The following DGKK variants were observed in gnomAD, a reference collection of about 807,000 sequenced individuals.
DGKK encodes diacylglycerol kinase kappa.
A neutral mutation model predicts 92.2 loss-of-function variants in DGKK; 35 were observed. That is an observed-to-expected ratio of 0.38 (90% confidence interval 0.29 to 0.50). The LOEUF (loss-of-function observed/expected upper bound fraction) is 0.50, where lower values mean the gene tolerates loss of function less well. DGKK is among the 20% of genes least tolerant of loss of function. DGKK has a pLI of 0.92. For missense variants in DGKK, 910 were observed against 992.2 expected (o/e 0.92, Z 1.11); for synonymous variants, 368 against 360.6 (o/e 1.02, Z -0.23).
chrX:50,406,149 C>T (rs1022879198), intron 4 of DGKK, among the ~76,000 whole-genome samples: 6 of 112,054 alleles, frequency 5.4e-5, no homozygotes, highest in African/African-American at 1.9e-4. Context: ...TGCAAGGTTT[C>T]ACAGGACTGC....
intron 1 of DGKK, among the ~76,000 whole-genome samples, chrX:50,448,014 T>G (rs1489449214): frequency 9.0e-6 from 1 of 111,451 alleles, no homozygotes; most frequent in Non-Finnish European, 1.9e-5. Flanking sequence ...GTAAAGATCC[T>G]TTGACCCTTT....
chrX:50,439,297 T>A (rs1297895642), intron 1 of DGKK, among the ~76,000 whole-genome samples: 1 of 109,224 alleles, frequency 9.2e-6, no homozygotes, highest in Admixed American at 9.8e-5. Flanking sequence ...AGATTTGGAC[T>A]CAGATAAATC....
chrX:50,467,777 A>G (rs1337687256), intron 1 of DGKK, among the ~76,000 whole-genome samples: 1 of 112,742 alleles, frequency 8.9e-6, no homozygotes, highest in Non-Finnish European at 1.9e-5. Context: ...ACTGAAGATC[A>G]GATGTTCCCA....
At chrX:50,408,199 T>G (rs782704638) in intron 4 of DGKK, among the ~76,000 whole-genome samples, 1 of 111,501 alleles carries the variant, frequency 9.0e-6, no homozygotes, top group African/African-American at 3.3e-5. Context: ...GGCTGTCTCC[T>G]TGGTTGTGCA....
chrX:50,454,757 T>C (rs1389787623), intron 1 of DGKK, among the ~76,000 whole-genome samples: 1 of 111,675 alleles, frequency 9.0e-6, no homozygotes, highest in Non-Finnish European at 1.9e-5. Flanking sequence ...AGCTAGATTG[T>C]CAGTAGGACT....
At chrX:50,445,237 T>C (rs1557231702) in intron 1 of DGKK, among the ~76,000 whole-genome samples, 1 of 109,489 alleles carries the variant, frequency 9.1e-6, no homozygotes, top group South Asian at 4.0e-4. Context: ...GGTTGTCTGT[T>C]TACTCTGTTG....
chrX:50,417,893 A>G (rs1311906895), intron 4 of DGKK, among the ~76,000 whole-genome samples: 1 of 111,254 alleles, frequency 9.0e-6, no homozygotes, highest in Non-Finnish European at 1.9e-5. Flanking sequence ...AAAAATCTCC[A>G]TGGTCAGGCC....
chrX:50,433,929 G>A (rs1324138122), intron 1 of DGKK, among the ~76,000 whole-genome samples: 4 of 111,661 alleles, frequency 3.6e-5, no homozygotes, highest in African/African-American at 1.3e-4. Context: ...ACATCAGTTA[G>A]CTTATCTGGT....
chrX:50,455,978 A>G (rs1158908873), intron 1 of DGKK, among the ~76,000 whole-genome samples: 3 of 112,307 alleles, frequency 2.7e-5, no homozygotes, highest in South Asian at 3.7e-4. Flanking sequence ...GGTGTCTACA[A>G]TGTGAAAGGT....
chrX:50,407,134 A>G (rs782705334), intron 4 of DGKK, among the ~76,000 whole-genome samples: 37 of 112,022 alleles, frequency 3.3e-4, no homozygotes, highest in Non-Finnish European at 1.9e-4. Context: ...TGTTGGGTGG[A>G]AAGTAGACTT....
At chrX:50,415,025 G>A (rs1475977274) in intron 4 of DGKK, among the ~76,000 whole-genome samples, 5 of 112,181 alleles carry the variant, frequency 4.5e-5, no homozygotes, top group African/African-American at 1.6e-4. Flanking sequence ...CACAGTTCTA[G>A]GTGACAAGGC....
chrX:50,375,891 G>A (rs1924257101), intron 24 of DGKK, 133 bp downstream of exon 24: 3 of 788,231 alleles, frequency 3.8e-6, no homozygotes, highest in African/African-American at 2.1e-5. Flanking sequence ...CTGCCTTCCC[G>A]TCCACTCTCT....
chrX:50,398,816 G>A (rs1557226331), intron 8 of DGKK, among the ~76,000 whole-genome samples: 2 of 111,726 alleles, frequency 1.8e-5, no homozygotes, highest in Non-Finnish European at 3.8e-5. Flanking sequence ...AGACATCTTT[G>A]TCAGGTCCCT....
chrX:50,390,468 G>T (rs1178426482), intron 11 of DGKK, 59 bp from the exon 12 acceptor site: 1 of 1,063,501 alleles, frequency 9.4e-7, no homozygotes, highest in African/African-American at 1.9e-5. Flanking sequence ...GTAAAAATTA[G>T]TGCTTCAAAG....
rs1924001863 is a variant in DGKK at position 50,367,528 on chromosome X, G to A, written c.*1412C>T. On this transcript the variant is annotated 3_prime_UTR_variant, in exon 28 of 28. Transcript: ENST00000611977. ...ATGCCCCTCTGTACTCAAGGGAAAA[G>A]GGCAAGATGGGAGATTTGAAGGTGA... 9.0e-6 allele frequency: 1 copy of A among 111,374 alleles called. No homozygotes were observed. Among genetic ancestry groups the A allele is most frequent in the South Asian group, 3.9e-4 (1 of 2,560 alleles). 9.2% of individuals were successfully genotyped at this position (111,374 alleles called of 1,213,427 possible). A position where few individuals can be genotyped will look rare whatever the true frequency, so the allele number is the denominator to read the frequency against.
At chrX:50,430,197 T>C (rs781788572) in intron 1 of DGKK, among the ~76,000 whole-genome samples, 1 of 112,282 alleles carries the variant, frequency 8.9e-6, no homozygotes, top group Admixed American at 9.4e-5. Context: ...TGGCCACATT[T>C]ATAAGCACAC....
In DGKK at chrX:50,384,784, G is replaced by T. The variant is rs369499183; in HGVS notation, c.2388C>A (p.Asn796Lys). ...CTTCCAGGAAGAAAGTTGAACTAAA[G>T]TTCTTAACAGATATTGTCTGTCTGC... ...EESRQTISVK[N>K]FSSTFFLEDD... is the part of the protein sequence containing the mutation. The change falls in exon 16 of 28, where the codon AAC (asparagine) becomes AAA (lysine). Residue 796 changes from asparagine to lysine, a missense_variant. Asn to Lys is a moderately conservative substitution (Grantham distance 94, BLOSUM62 0). Coordinates refer to ENST00000611977, the MANE Select transcript of DGKK (RefSeq NM_001013742.4). 1.7e-6 allele frequency: 2 copies of T among 1,206,977 alleles called. No homozygotes were observed. Among genetic ancestry groups the T allele is most frequent in the Non-Finnish European group, 2.2e-6 (2 of 893,459 alleles).
At chrX:50,386,633 C>T in intron 14 of DGKK, 47 bp from the exon 15 acceptor site, 1 of 1,064,560 alleles carries the variant, frequency 9.4e-7, no homozygotes, top group Non-Finnish European at 1.3e-6. Context: ...GGGACCCATG[C>T]TTGAGAGGAC....
rs1557225544 is a variant in DGKK, at chrX:50,391,561, T to A, written c.1720A>T (p.Ile574Phe). 3 of 1,209,651 alleles carry A rather than the reference T, an allele frequency of 2.5e-6. No individual in the cohort carries two copies. The highest frequency in any genetic ancestry group is 4.4e-5 in the Admixed American group (2 of 45,722). The change falls in exon 11 of 28, where the codon ATC becomes TTC. Residue 574 changes from isoleucine to phenylalanine, a missense_variant. By Grantham distance (21) the Ile-to-Phe change is conservative (BLOSUM62 0). Coordinates refer to ENST00000611977, the MANE Select transcript of DGKK (RefSeq NM_001013742.4). ...GLHEKCQLAV[I>F]PLGTGNDLAR... ...AGATCATTGCCGGTTCCAAGTGGGA[T>A]GACTGCCAACTGACACTGCAAGAAC... is the stretch of plus-strand genomic sequence containing the variant.
Sources: allele counts gnomAD v4.1 joint callset (sites outside exome capture counted in the v4.1 genomes callset), GRCh38; gene constraint gnomAD v4.1.1; transcripts MANE v1.5; gene names NCBI Gene and HGNC (gene_info 2026-07-23, HGNC 2026-07-21).